Variants in ABHD16A observed in about 807,000 individuals in gnomAD.
The protein encoded by ABHD16A is abhydrolase domain containing 16A, phospholipase, also known as phosphatidylserine lipase ABHD16A.
Under a neutral mutation model 89.8 loss-of-function variants are expected in ABHD16A, and 47 were observed. The observed-to-expected ratio is 0.52, with a 90% CI of 0.41 to 0.67. The LOEUF (loss-of-function observed/expected upper bound fraction) is 0.67. ABHD16A is among the 30% of genes least tolerant of loss of function. The pLI is 0.00. For synonymous variants in ABHD16A, 251 were observed against 280.4 expected (o/e 0.90, Z 1.05); for missense variants, 580 against 734.6 (o/e 0.79, Z 2.43).
rs909993679 is a variant in ABHD16A at position 31,691,608 on chromosome 6, C to T, written c.814G>A (p.Gly272Arg). ...TTCTGTCCCTGGGGCTCAGCTGTCCCCCGCCGGTCCACAAACATGGTGTCA... is the reference window on the plus strand; with the variant it reads ...TTCTGTCCCTGGGGCTCAGCTGTCCTCCGCCGGTCCACAAACATGGTGTCA... ...EIDTMFVDRRGTAEPQGQKLV... is the reference protein window; with the variant it reads ...EIDTMFVDRRRTAEPQGQKLV... The change falls in exon 9 of 20, where the codon GGG becomes AGG. Residue 272 changes from glycine to arginine, a missense_variant. Around this residue, in one of 2 missense-constraint regions of ABHD16A, gnomAD observed 415 missense variants for 568.8 expected, o/e 0.73. Transcript: ENST00000395952. The T allele has an allele frequency of 3.7e-6, 6 of 1,612,878 alleles. No individual in the cohort carries two copies. Among genetic ancestry groups the T allele is most frequent in the Non-Finnish European group, 5.1e-6 (6 of 1,180,012 alleles).
Position 31,694,387 on chromosome 6 carries a change from C to CTTTTTTTTT in ABHD16A, c.430-964_430-956dup, listed in dbSNP as rs1190272819. ...TTTTTGACGGCAGTGGGAGCTGTGT[C>CTTTTTTTTT]TTTTTTTTTTTTTTTTTTTTTGAGA... On this transcript the variant is annotated intron_variant, in intron 5 of 19. Coordinates refer to ENST00000395952, the MANE Select transcript of ABHD16A (RefSeq NM_021160.3). Among the ~76,000 whole-genome samples the CTTTTTTTTT allele has an allele frequency of 6.5e-3, 502 of 77,682 alleles. 25 individuals carry two copies. Among genetic ancestry groups the CTTTTTTTTT allele is most frequent in the South Asian group, 9.0e-3 (17 of 1,896 alleles). The allele number at this position is 77,682 out of a possible 152,430, so 51.0% of individuals were successfully genotyped here. A position where few individuals can be genotyped will look rare whatever the true frequency, so the allele number is the denominator to read the frequency against.
At chr6:31,694,921 T>G (rs1210850611) in intron 5 of ABHD16A, among the ~76,000 whole-genome samples, 1 of 152,212 alleles carries the variant, frequency 6.6e-6, no homozygotes, top group Non-Finnish European at 1.5e-5. Context: ...AATCTGGACT[T>G]AGCCACTTTC....
chr6:31,702,811 A>C, intron 1 of ABHD16A: 8 of 1,420,092 alleles, frequency 5.6e-6, no homozygotes, highest in Non-Finnish European at 7.4e-6. Context: ...CTGACAGCAA[A>C]ATTCAACGGC....
At chr6:31,694,346 C>T (rs538383002) in intron 5 of ABHD16A, among the ~76,000 whole-genome samples, 1 of 151,412 alleles carries the variant, frequency 6.6e-6, no homozygotes, top group Non-Finnish European at 1.5e-5. Flanking sequence ...CATGAACCAC[C>T]TCACCAGCTC....
intron 9 of ABHD16A, 120 bp downstream of exon 9, chr6:31,691,459 A>T: frequency 1.2e-6 from 1 of 821,932 alleles, no homozygotes; most frequent in Non-Finnish European, 2.0e-6. Context: ...GCGTGGAGCT[A>T]GGACATGAGA....
chr6:31,702,797 G>A, intron 1 of ABHD16A: 2 of 1,435,224 alleles, frequency 1.4e-6, no homozygotes, highest in Non-Finnish European at 1.8e-6. Flanking sequence ...AGGAAACTGG[G>A]AGTCTGACAG....
At position 31,688,028 on chromosome 6, in the gene ABHD16A, C is replaced by T; in HGVS notation, c.1370+13G>A. On this transcript the variant is annotated intron_variant, in intron 16 of 19. Coordinates refer to ENST00000395952, the MANE Select transcript of ABHD16A (RefSeq NM_021160.3). The surrounding 1 kb of genome is among the most constrained non-coding windows in gnomAD (Gnocchi z 4.9). The stretch of plus-strand genomic sequence containing the variant: ...GTACACTGCCCCCAGCGCGCACACA[C>T]CCTGGCTCTCACCGATGCTGCAGGA... The T allele has an allele frequency of 6.2e-7, 1 of 1,612,150 alleles. No individual in the cohort carries two copies. The highest frequency in any genetic ancestry group is 8.5e-7 in the Non-Finnish European group (1 of 1,179,212).
chr6:31,699,265 C>G lies in ABHD16A; in HGVS notation c.343+1677G>C, dbSNP rs1293633520. ...ACTAAAAAATACAAAAAAACCTAGCCGGGTGTGGTGGTGGGCGCCTGTAGT... is the reference window on the plus strand; with the variant it reads ...ACTAAAAAATACAAAAAAACCTAGCGGGGTGTGGTGGTGGGCGCCTGTAGT... On this transcript the variant is annotated intron_variant, in intron 4 of 19. Coordinates refer to ENST00000395952, the MANE Select transcript of ABHD16A (RefSeq NM_021160.3). Among the ~76,000 whole-genome samples, 2 of 151,838 alleles carry G rather than the reference C, an allele frequency of 1.3e-5. 1 individual carries two copies. Among genetic ancestry groups the G allele is most frequent in the African/African-American group, 4.8e-5 (2 of 41,338 alleles).
At chr6:31,699,647 A>T (rs1231539397) in intron 4 of ABHD16A, among the ~76,000 whole-genome samples, 2 of 152,110 alleles carry the variant, frequency 1.3e-5, no homozygotes, top group Non-Finnish European at 2.9e-5. Context: ...ATCTTGGCTC[A>T]CTGCAACCTC....
intron 2 of ABHD16A, 130 bp from the exon 3 acceptor site, chr6:31,701,470 A>C: frequency 1.4e-6 from 1 of 738,310 alleles, no homozygotes; most frequent in Non-Finnish European, 2.3e-6. Flanking sequence ...GGTGTATGAC[A>C]CCATGAATAC....
At chr6:31,702,301 T>C (rs1377786365) in intron 1 of ABHD16A, among the ~76,000 whole-genome samples, 171 bp from the exon 2 acceptor site, 1 of 152,116 alleles carries the variant, frequency 6.6e-6, no homozygotes, top group African/African-American at 2.4e-5. Flanking sequence ...CTGAACCTAA[T>C]TTCCCACCCC....
At chr6:31,702,909 G>T (rs1050772010) in intron 1 of ABHD16A, 7 of 1,303,512 alleles carry the variant, frequency 5.4e-6, no homozygotes, top group Non-Finnish European at 6.8e-6. Flanking sequence ...GGGGGACGCG[G>T]AGAGGAAAGA....
Position 31,688,268 on chromosome 6 carries a change from C to T in ABHD16A, c.1288G>A (p.Asp430Asn). The T allele has an allele frequency of 6.2e-7, 1 of 1,614,044 alleles. No homozygotes were observed. Among genetic ancestry groups the T allele is most frequent in the South Asian group, 1.1e-5 (1 of 91,072 alleles). Residue 430 changes from aspartate to asparagine, a missense_variant, in exon 15 of 20, where the codon GAT becomes AAT. By Grantham distance (23) the Asp-to-Asn change is conservative (BLOSUM62 1). Coordinates refer to ENST00000395952, the MANE Select transcript of ABHD16A (RefSeq NM_021160.3). This position sits in a 1 kb window ranked among gnomAD's most constrained non-coding sequence, Gnocchi z 4.9. Reference protein sequence around the residue: ...GPVLLIRRTKDEIITTTVPED... With the variant: ...GPVLLIRRTKNEIITTTVPED... ...ACTCACGTGGTGGTGATGATCTCAT[C>T]CTTGGTTCTCCGGATCAGCAGTACA... is the stretch of plus-strand genomic sequence containing the variant.
At chr6:31,694,380 G>GC in intron 5 of ABHD16A, among the ~76,000 whole-genome samples, 1 of 124,798 alleles carries the variant, frequency 8.0e-6, no homozygotes, top group South Asian at 2.8e-4. Flanking sequence ...GGCAGTGGGA[G>GC]CTGTGTCTTT....
intron 1 of ABHD16A, 115 bp from the exon 2 acceptor site, chr6:31,702,245 G>T: frequency 9.8e-7 from 1 of 1,019,400 alleles, no homozygotes; most frequent in Non-Finnish European, 1.5e-6. Context: ...TATCTCTCTT[G>T]AAACATCCCT....
intron 5 of ABHD16A, among the ~76,000 whole-genome samples, chr6:31,694,751 T>C (rs539012949): frequency 1.3e-5 from 2 of 152,210 alleles, no homozygotes; most frequent in East Asian, 3.9e-4. Flanking sequence ...TAGCACTCTA[T>C]TTTGAGGGTT....
chr6:31,688,050 A>G lies in ABHD16A; in HGVS notation c.1361T>C (p.Leu454Pro), dbSNP rs1161336532. The G allele has an allele frequency of 6.2e-7, 1 of 1,612,806 alleles. No homozygotes were observed. Among genetic ancestry groups the G allele is most frequent in the Non-Finnish European group, 8.5e-7 (1 of 1,179,452 alleles). The change falls in exon 16 of 20, where the codon CTG becomes CCG. Residue 454 changes from leucine (L) to proline (P), a missense_variant. Physicochemically the swap from Leu to Pro is moderately conservative, Grantham distance 98. Around this residue, in one of 2 missense-constraint regions of ABHD16A, gnomAD observed 415 missense variants for 568.8 expected, o/e 0.73. Coordinates refer to ENST00000395952, the MANE Select transcript of ABHD16A (RefSeq NM_021160.3). The surrounding 1 kb of genome is among the most constrained non-coding windows in gnomAD (Gnocchi z 4.9). ...ACACCCTGGCTCTCACCGATGCTGC[A>G]GGAGCTTCAGCAGGAGGTCATTGCC... ...NRGNDLLLKLLQHRYPRVMAE... is the reference protein window; with the variant it reads ...NRGNDLLLKLPQHRYPRVMAE...
intron 1 of ABHD16A, chr6:31,702,759 G>A (rs993278668): frequency 1.3e-6 from 2 of 1,514,386 alleles, no homozygotes; most frequent in East Asian, 5.1e-5. Context: ...AACAGAGCCG[G>A]GGGAGGCATG....
intron 4 of ABHD16A, among the ~76,000 whole-genome samples, chr6:31,697,971 TACA>T (rs1804554864): frequency 6.6e-6 from 1 of 152,006 alleles, no homozygotes; most frequent in Non-Finnish European, 1.5e-5. Context: ...ACAGAGAAAA[TACA>T]ACAAGAATGA....
Sources: allele counts gnomAD v4.1 joint callset (sites outside exome capture counted in the v4.1 genomes callset), GRCh38; gene constraint gnomAD v4.1.1; regional missense constraint gnomAD v4.1.1; non-coding constraint Gnocchi (gnomAD v3.1); transcripts MANE v1.5; gene names NCBI Gene and HGNC (gene_info 2026-07-23, HGNC 2026-07-21).